LNX1: variants seen among roughly 807,000 people sequenced by gnomAD.
LNX1 encodes the protein E3 ubiquitin-protein ligase LNX.
In LNX1, 54 loss-of-function variants were observed where a neutral mutation model predicts 68.4. The observed-to-expected ratio is 0.79, with a 90% CI of 0.63 to 0.99. LNX1 has a LOEUF of 0.99. LNX1 is among the 50% of genes least tolerant of loss of function. The pLI, the probability that LNX1 is intolerant of heterozygous loss-of-function variation, is 0.00. For synonymous variants in LNX1, 336 were observed against 350.0 expected (o/e 0.96, Z 0.45); for missense variants, 906 against 926.4 (o/e 0.98, Z 0.29).
intron 2 of LNX1, among the ~76,000 whole-genome samples, chr4:53,608,634 AT>A (rs1733325329): frequency 6.6e-6 from 1 of 152,128 alleles, no homozygotes; most frequent in Non-Finnish European, 1.5e-5. Context: ...AGGAATATAA[AT>A]TTTTCTACCA....
chr4:53,534,177 A>G (rs1728209405), intron 2 of LNX1, among the ~76,000 whole-genome samples: 1 of 152,212 alleles, frequency 6.6e-6, no homozygotes, highest in African/African-American at 2.4e-5. Context: ...CAGGCTGAAC[A>G]AGTGCACCTC....
At chr4:53,642,327 T>G (rs1483192970) in intron 1 of LNX1, among the ~76,000 whole-genome samples, 1 of 151,368 alleles carries the variant, frequency 6.6e-6, no homozygotes, top group Non-Finnish European at 1.5e-5. Flanking sequence ...AAAATAGACC[T>G]ATAAAATATG....
intron 2 of LNX1, among the ~76,000 whole-genome samples, chr4:53,513,993 G>A (rs1385423274): frequency 1.3e-5 from 2 of 152,116 alleles, no homozygotes; most frequent in East Asian, 3.8e-4. Context: ...TACTTCTTCA[G>A]GGCCTCTGCA....
At chr4:53,587,390 A>G (rs906635669) in intron 1 of LNX1, among the ~76,000 whole-genome samples, 3 of 152,238 alleles carry the variant, frequency 2.0e-5, no homozygotes, top group African/African-American at 7.2e-5. Flanking sequence ...AGGAACAGTG[A>G]CACAGTCTTC....
In LNX1 at chr4:53,478,714, T is replaced by G. The variant is rs1478421370; in HGVS notation, c.1514A>C (p.Glu505Ala). 1.2e-6 allele frequency: 2 copies of G among 1,614,022 alleles called. No individual in the cohort carries two copies. Among genetic ancestry groups the G allele is most frequent in the Non-Finnish European group, 1.7e-6 (2 of 1,179,948 alleles). ...GTCTTTTTGGATATTTACCACCTTC[T>G]CATGACAAGTAATTGTAGGATGGAG... The part of the protein sequence containing the change: ...KPLHPTITCH[E>A]KVVNIQKDPG... Residue 505 changes from glutamate to alanine, a missense_variant, in exon 8 of 11, where the codon GAG becomes GCG. Glu to Ala is a moderately radical substitution (Grantham distance 107). Coordinates refer to ENST00000263925, the MANE Select transcript of LNX1 (RefSeq NM_001126328.3).
intron 1 of LNX1, among the ~76,000 whole-genome samples, chr4:53,583,568 T>C (rs1479998731): frequency 2.6e-5 from 4 of 152,048 alleles, no homozygotes; most frequent in Admixed American, 2.0e-4. Context: ...AAAAACCCTT[T>C]TAAATGGTCT....
chr4:53,542,133 G>A (rs1404603103), intron 2 of LNX1, among the ~76,000 whole-genome samples: 1 of 152,190 alleles, frequency 6.6e-6, no homozygotes, highest in African/African-American at 2.4e-5. Flanking sequence ...AGAGAAAACA[G>A]AAGGAAAGGG....
chr4:53,587,561 G>A (rs1269260756), intron 1 of LNX1, among the ~76,000 whole-genome samples: 1 of 152,096 alleles, frequency 6.6e-6, no homozygotes, highest in African/African-American at 2.4e-5. Context: ...GCAATGAGGA[G>A]GACACACTTT....
At chr4:53,598,911 T>A (rs1732873168) in intron 2 of LNX1, among the ~76,000 whole-genome samples, 1 of 152,212 alleles carries the variant, frequency 6.6e-6, no homozygotes, top group Non-Finnish European at 1.5e-5. Flanking sequence ...AAAGAATCTC[T>A]GCATTTGAGG....
At chr4:53,524,613 G>A (rs866732405) in intron 2 of LNX1, among the ~76,000 whole-genome samples, 1 of 152,176 alleles carries the variant, frequency 6.6e-6, no homozygotes. Context: ...TTAAGCCTAC[G>A]CTCTTTCTAG....
At chr4:53,583,060 C>A (rs1224656170) in intron 1 of LNX1, among the ~76,000 whole-genome samples, 2 of 152,098 alleles carry the variant, frequency 1.3e-5, no homozygotes, top group African/African-American at 2.4e-5. Flanking sequence ...GTCTATCTTT[C>A]TGTATTAAAC....
At chr4:53,548,828 G>A (rs1421659620) in intron 2 of LNX1, among the ~76,000 whole-genome samples, 1 of 152,182 alleles carries the variant, frequency 6.6e-6, no homozygotes, top group African/African-American at 2.4e-5. Flanking sequence ...GATATACCAT[G>A]GAATACTATG....
chr4:53,638,919 C>T (rs1734576689), intron 1 of LNX1, among the ~76,000 whole-genome samples: 1 of 152,208 alleles, frequency 6.6e-6, no homozygotes, highest in Non-Finnish European at 1.5e-5. Context: ...CTGTGGAAAG[C>T]AGTTTGGAGA....
rs1026123559 is a variant in LNX1 at position 53,575,745 on chromosome 4, G to A, written c.-86-1657C>T. 8 of 1,546,794 alleles carry A rather than the reference G, an allele frequency of 5.2e-6. No individual in the cohort carries two copies. In the Admixed American group the frequency reaches 1.4e-4, roughly 27 times the overall value. On this transcript the variant is annotated intron_variant, in intron 1 of 10. Coordinates refer to ENST00000263925, the MANE Select transcript of LNX1 (RefSeq NM_001126328.3). ...GCTGTGGGGGCCACAGCTCTGTATT[G>A]CATCATCCTGGTGGTAGTCACAGTG...
At chr4:53,562,804 T>C (rs1355444719) in intron 2 of LNX1, among the ~76,000 whole-genome samples, 5 of 152,212 alleles carry the variant, frequency 3.3e-5, no homozygotes, top group Admixed American at 1.3e-4. Flanking sequence ...ATGGTACATA[T>C]ATGAGGTAAT....
At chr4:53,602,110 G>T (rs1733041944) in intron 2 of LNX1, among the ~76,000 whole-genome samples, 1 of 152,160 alleles carries the variant, frequency 6.6e-6, no homozygotes, top group Admixed American at 6.5e-5. Flanking sequence ...GACAGAGTGA[G>T]AAATAGAAAC....
At chr4:53,638,843 T>C (rs1308017364) in intron 1 of LNX1, among the ~76,000 whole-genome samples, 1 of 152,160 alleles carries the variant, frequency 6.6e-6, no homozygotes, top group Non-Finnish European at 1.5e-5. Flanking sequence ...CAACAGATGT[T>C]AGCAAAGTTG....
At chr4:53,535,268 T>C (rs1268454093) in intron 2 of LNX1, among the ~76,000 whole-genome samples, 2 of 152,244 alleles carry the variant, frequency 1.3e-5, no homozygotes, top group Non-Finnish European at 2.9e-5. Context: ...CAGGCTTTGT[T>C]GTTTTGGATG....
chr4:53,565,715 A>G (rs1300987878), intron 2 of LNX1, among the ~76,000 whole-genome samples: 5 of 150,498 alleles, frequency 3.3e-5, no homozygotes, highest in Non-Finnish European at 6.0e-5. Context: ...ACGGGAGGAC[A>G]TTCAAACCAA....
Sources: gnomAD v4.1 joint callset for allele counts (sites outside exome capture counted in the v4.1 genomes callset) on GRCh38, gnomAD v4.1.1 for gene constraint, MANE v1.5 for transcripts, NCBI Gene and HGNC (gene_info 2026-07-23, HGNC 2026-07-21) for gene names.